GRIP2: variants seen among roughly 807,000 people sequenced by gnomAD.
GRIP2 encodes glutamate receptor-interacting protein 2.
GRIP2 carries 58 observed loss-of-function variants against 108.3 expected under a neutral mutation model. That is an observed-to-expected ratio of 0.54 (90% CI 0.43 to 0.67). The LOEUF is 0.67. Among genes scored for constraint, GRIP2 ranks in the 30% least tolerant of loss-of-function variants. The pLI is 0.00. For missense variants in GRIP2, 1,278 were observed against 1,430.6 expected, an observed-to-expected ratio of 0.89 and a Z score of 1.72; for synonymous variants, 586 against 598.2, an observed-to-expected ratio of 0.98 and a Z score of 0.30.
At chr3:14,544,692 C>T (rs1180551888), upstream of GRIP2, among the ~76,000 whole-genome samples, 1 of 152,224 alleles carries the variant, frequency 6.6e-6, no homozygotes. Flanking sequence ...CCTCCCTCCA[C>T]CCCAGGGGCC....
Position 14,491,353 on chromosome 3 carries a change from G to T in GRIP2, c.*2312C>A, listed in dbSNP as rs985257266. ...CCCGATGTAGAAAAATACTTTACAAGGAATGTGTTCTAATCTCAGCCAGAG... is the reference window on the plus strand; with the variant it reads ...CCCGATGTAGAAAAATACTTTACAATGAATGTGTTCTAATCTCAGCCAGAG... On this transcript the variant is annotated 3_prime_UTR_variant, in exon 24 of 24. Coordinates refer to ENST00000621039, the MANE Select transcript of GRIP2 (RefSeq NM_001080423.4). 2 of 152,196 alleles carry T rather than the reference G, an allele frequency of 1.3e-5. No individual in the cohort carries two copies. Among genetic ancestry groups the T allele is most frequent in the African/African-American group, 4.8e-5 (2 of 41,428 alleles). The allele number at this position is 152,196 out of a possible 1,614,324, so 9.4% of individuals were successfully genotyped here.
chr3:14,562,315 G>C, the GRIP2 span, among the ~76,000 whole-genome samples: 1 of 152,210 alleles, frequency 6.6e-6, no homozygotes, highest in East Asian at 1.9e-4. Flanking sequence ...GTCTGAGTGG[G>C]GGAAGTTGTG....
chr3:14,589,726 T>G, the GRIP2 span, among the ~76,000 whole-genome samples: 1 of 151,910 alleles, frequency 6.6e-6, no homozygotes, highest in Non-Finnish European at 1.5e-5. Flanking sequence ...ACCCACTTAT[T>G]GTAGATGTCA....
upstream of GRIP2, among the ~76,000 whole-genome samples, chr3:14,541,542 GC>G (rs1188864131): frequency 6.6e-6 from 1 of 152,212 alleles, no homozygotes; most frequent in Non-Finnish European, 1.5e-5. Context: ...TTCCTGGGCC[GC>G]CCCACACTGG....
upstream of GRIP2, among the ~76,000 whole-genome samples, chr3:14,560,231 G>A (rs1389515653): frequency 1.3e-5 from 2 of 152,164 alleles, no homozygotes; most frequent in Non-Finnish European, 2.9e-5. Context: ...TCCAGCCTGA[G>A]TGACAGAGGG....
intron 1 of GRIP2, among the ~76,000 whole-genome samples, chr3:14,553,460 C>T (rs1036566760): frequency 6.6e-6 from 1 of 152,166 alleles, no homozygotes; most frequent in Non-Finnish European, 1.5e-5. Flanking sequence ...ACCTGGCAAA[C>T]TCCTACTCAT....
At chr3:14,549,127 A>G (rs1286790333) in intron 1 of GRIP2, among the ~76,000 whole-genome samples, 1 of 152,272 alleles carries the variant, frequency 6.6e-6, no homozygotes, top group African/African-American at 2.4e-5. Flanking sequence ...AGTAAGTGCT[A>G]CACAAGTGTT....
the GRIP2 span, among the ~76,000 whole-genome samples, chr3:14,576,620 G>A: frequency 8.5e-5 from 13 of 152,304 alleles, no homozygotes; most frequent in South Asian, 2.3e-3. Flanking sequence ...TATCAGATAC[G>A]CATTTTACAG....
rs188992337 is a variant in GRIP2, at chr3:14,540,283, G to A, written c.26C>T (p.Thr9Ile). 4,113 of 1,613,566 alleles carry A rather than the reference G, an allele frequency of 2.5e-3. 9 individuals carry two copies. Among genetic ancestry groups the A allele is most frequent in the Non-Finnish European group, 3.1e-3 (3,634 of 1,179,724 alleles). Residue 9 changes from threonine (T) to isoleucine (I), a missense_variant, in exon 1 of 24, where the codon ACC (threonine) becomes ATC (isoleucine). Thr to Ile is a moderately conservative substitution (Grantham distance 89, BLOSUM62 -1). Coordinates refer to ENST00000621039, the MANE Select transcript of GRIP2 (RefSeq NM_001080423.4). The surrounding 1 kb of genome is among the most constrained non-coding windows in gnomAD (Gnocchi z 4.1). The stretch of plus-strand genomic sequence containing the variant: ...CCATTACGTACCCGCCTCTCCAGGG[G>A]TCTCCCGGCTGAGCCCACACAGCAT... Reference protein sequence around the residue: MLCGLSRETPGEADDGPYS... With the variant: MLCGLSREIPGEADDGPYS...
the GRIP2 span, among the ~76,000 whole-genome samples, chr3:14,578,656 G>T: frequency 6.6e-6 from 1 of 151,968 alleles, no homozygotes; most frequent in African/African-American, 2.4e-5. Context: ...GGCAAAGGTT[G>T]CAGTGAGCTG....
At chr3:14,555,464 AGAG>A (rs1404572157) in intron 1 of GRIP2, among the ~76,000 whole-genome samples, 1 of 152,148 alleles carries the variant, frequency 6.6e-6, no homozygotes, top group East Asian at 1.9e-4. Context: ...CAAGAGGAAC[AGAG>A]AAGAGCAAGA....
the GRIP2 span, chr3:14,573,764 A>T: frequency 6.5e-7 from 1 of 1,538,788 alleles, no homozygotes; most frequent in Non-Finnish European, 9.0e-7. Context: ...ATACCCTGGG[A>T]TCCTGGTGGC....
the GRIP2 span, chr3:14,573,506 A>G: frequency 1.3e-6 from 2 of 1,544,536 alleles, no homozygotes; most frequent in East Asian, 4.5e-5. Flanking sequence ...GCCCACACAC[A>G]TCATCCATGC....
At chr3:14,517,982 G>A (rs1694303659) in intron 9 of GRIP2, 85 bp from the exon 10 acceptor site, 1 of 1,418,948 alleles carries the variant, frequency 7.0e-7, no homozygotes, top group Admixed American at 2.9e-5. Context: ...AGAACCAGAA[G>A]ATCCTCGTGC....
At chr3:14,525,234 T>A (rs1452460092) in intron 3 of GRIP2, among the ~76,000 whole-genome samples, 8 of 151,946 alleles carry the variant, frequency 5.3e-5, no homozygotes, top group Non-Finnish European at 1.0e-4. Flanking sequence ...AAGCCCCTGG[T>A]GTAAAAGAAA....
At chr3:14,574,544 C>A in the GRIP2 span, 1 of 743,334 alleles carries the variant, frequency 1.3e-6, no homozygotes, top group Non-Finnish European at 2.5e-6. Context: ...TCTCCCAGTC[C>A]TTGAGTGCTG....
At chr3:14,551,360 C>A (rs950621280) in intron 1 of GRIP2, among the ~76,000 whole-genome samples, 4 of 152,220 alleles carry the variant, frequency 2.6e-5, no homozygotes, top group Non-Finnish European at 5.9e-5. Context: ...ACAAGCAAGG[C>A]CAATGTGCGG....
chr3:14,498,750 G>A (rs573219968), intron 21 of GRIP2, among the ~76,000 whole-genome samples: 8 of 152,298 alleles, frequency 5.3e-5, no homozygotes, highest in Non-Finnish European at 7.4e-5. Context: ...AGACTGAGCT[G>A]ATACAGGAAG....
In GRIP2 at chr3:14,491,725, CCAGCCCTGT is replaced by C. The variant is rs879851391; in HGVS notation, c.*1931_*1939del. 10 of 152,400 alleles carry C rather than the reference CCAGCCCTGT, an allele frequency of 6.6e-5. No individual in the cohort carries two copies. The highest frequency in any genetic ancestry group is 4.6e-4 in the Admixed American group (7 of 15,284). 9.4% of individuals were successfully genotyped at this position (152,400 alleles called of 1,614,324 possible). The stretch of plus-strand genomic sequence containing the variant: ...GAGAGGCCCTGAGAGTGTGTCCTGT[CCAGCCCTGT>C]TGCTTAGCAGAGGTCCAGAGAGGCT... On this transcript the variant is annotated 3_prime_UTR_variant, in exon 24 of 24. Coordinates refer to ENST00000621039, the MANE Select transcript of GRIP2 (RefSeq NM_001080423.4).
Sources: allele counts gnomAD v4.1 joint callset (sites outside exome capture counted in the v4.1 genomes callset), GRCh38; gene constraint gnomAD v4.1.1; non-coding constraint Gnocchi (gnomAD v3.1); transcripts MANE v1.5; gene names NCBI Gene and HGNC (gene_info 2026-07-23, HGNC 2026-07-21).